Variants in NALCN observed in about 807,000 individuals in gnomAD.
The protein encoded by NALCN is sodium leak channel NALCN.
NALCN carries 111 observed loss-of-function variants against 225.3 expected under a neutral mutation model. The observed-to-expected ratio is 0.49, with a 90% CI of 0.42 to 0.58. The LOEUF (loss-of-function observed/expected upper bound fraction) is 0.58, where lower values mean the gene tolerates loss of function less well. Among genes scored for constraint, NALCN ranks in the 20% least tolerant of loss-of-function variants. The pLI is 0.00. For missense variants in NALCN, 1,378 were observed against 2,202.4 expected (o/e 0.63, Z 7.49); for synonymous variants, 764 against 769.0 (o/e 0.99, Z 0.11).
rs556135929 is a variant in NALCN, at chr13:101,065,294, T to C, written c.4604+110A>G. On this transcript the variant is annotated intron_variant, in intron 40 of 43. Transcript: ENST00000251127. ...GACCCCACTTCACGACCACAGCAGATGTGGCATTTTGGGTTGGAAACACAC... is the reference window on the plus strand; with the variant it reads ...GACCCCACTTCACGACCACAGCAGACGTGGCATTTTGGGTTGGAAACACAC... The C allele has an allele frequency of 5.2e-6, 6 of 1,152,530 alleles. No homozygotes were observed. In the Admixed American group the frequency reaches 1.2e-4, roughly 24 times the overall value. 71.4% of individuals were successfully genotyped at this position (1,152,530 alleles called of 1,614,324 possible).
At chr13:101,409,708 C>T (rs1404731956) in intron 1 of NALCN, among the ~76,000 whole-genome samples, 1 of 152,158 alleles carries the variant, frequency 6.6e-6, no homozygotes, top group Non-Finnish European at 1.5e-5. Flanking sequence ...TATATTTAAA[C>T]ATAACAGAAG....
chr13:101,311,207 T>A (rs1175791603), intron 7 of NALCN, among the ~76,000 whole-genome samples: 1 of 151,386 alleles, frequency 6.6e-6, no homozygotes, highest in African/African-American at 2.4e-5. Flanking sequence ...TGCACATTGA[T>A]TTTGTATCCT....
At chr13:101,122,671 G>A (rs879191171) in intron 18 of NALCN, among the ~76,000 whole-genome samples, 3 of 152,090 alleles carry the variant, frequency 2.0e-5, no homozygotes, top group Admixed American at 2.0e-4. Context: ...GAGACTCTTC[G>A]CCATCCAATC....
intron 15 of NALCN, among the ~76,000 whole-genome samples, chr13:101,150,741 A>G (rs938072434): frequency 6.9e-5 from 10 of 145,346 alleles, no homozygotes; most frequent in Admixed American, 2.8e-4. Flanking sequence ...TGAATAATAT[A>G]TATTATAAGA....
intron 1 of NALCN, among the ~76,000 whole-genome samples, chr13:101,400,573 GTGTGTGTGCA>G (rs1261796817): frequency 2.4e-5 from 3 of 125,916 alleles, no homozygotes; most frequent in African/African-American, 7.8e-5. Context: ...GTGTGTGTGT[GTGTGTGTGCA>G]CGTGTGTGCG....
At chr13:101,086,302 AATAT>A (rs2033928354) in intron 30 of NALCN, among the ~76,000 whole-genome samples, 1 of 151,956 alleles carries the variant, frequency 6.6e-6, no homozygotes, top group Non-Finnish European at 1.5e-5. Context: ...ATTCTTCTTT[AATAT>A]ATACACTTAA....
chr13:101,374,515 G>A (rs1402694069), intron 6 of NALCN, among the ~76,000 whole-genome samples: 1 of 152,004 alleles, frequency 6.6e-6, no homozygotes, highest in Non-Finnish European at 1.5e-5. Flanking sequence ...TGGAACTCCT[G>A]ACCTCAGGTT....
chr13:101,271,817 G>A (rs923878968), intron 10 of NALCN, among the ~76,000 whole-genome samples: 20 of 151,778 alleles, frequency 1.3e-4, no homozygotes, highest in Non-Finnish European at 2.4e-4. Flanking sequence ...GTGTGTCAGT[G>A]TGTCACCGTT....
intron 7 of NALCN, among the ~76,000 whole-genome samples, chr13:101,321,667 T>C (rs573823512): frequency 4.3e-4 from 65 of 152,250 alleles, no homozygotes; most frequent in African/African-American, 1.4e-3. Flanking sequence ...AATTGTAGAA[T>C]GACCAAATAA....
chr13:101,110,464 A>G (rs1420826128), intron 20 of NALCN, among the ~76,000 whole-genome samples, 155 bp downstream of exon 20: 2 of 152,244 alleles, frequency 1.3e-5, no homozygotes, highest in African/African-American at 2.4e-5. Context: ...ACTTGGCTAC[A>G]TAATTCATAT....
chr13:101,169,682 C>T (rs561321160), intron 15 of NALCN, among the ~76,000 whole-genome samples: 8 of 152,300 alleles, frequency 5.3e-5, no homozygotes, highest in Admixed American at 2.0e-4. Flanking sequence ...TGGCCTTTTT[C>T]AGCAAGGACA....
chr13:101,256,255 G>A (rs749183887), intron 11 of NALCN, among the ~76,000 whole-genome samples: 3 of 151,972 alleles, frequency 2.0e-5, no homozygotes, highest in Non-Finnish European at 4.4e-5. Flanking sequence ...CACTTTGGTG[G>A]TACCCGTCCT....
intron 35 of NALCN, among the ~76,000 whole-genome samples, chr13:101,075,395 CAGTG>C (rs1413991830): frequency 7.4e-6 from 1 of 135,108 alleles, no homozygotes; most frequent in Non-Finnish European, 1.5e-5. Flanking sequence ...GTGGAGAAAA[CAGTG>C]AGCCGAGATC....
chr13:101,373,690 G>A lies in NALCN; in HGVS notation c.644+3010C>T, dbSNP rs147148831. 2.7e-3 allele frequency among the ~76,000 whole-genome samples: 416 copies of A among 152,240 alleles called. 4 individuals carry two copies. Among genetic ancestry groups the A allele is most frequent in the Non-Finnish European group, 3.6e-3 (247 of 68,002 alleles). On this transcript the variant is annotated intron_variant, in intron 6 of 43. Coordinates refer to ENST00000251127, the MANE Select transcript of NALCN (RefSeq NM_052867.4). ...TACTGAGAGCTTCTCCTAAGATACC[G>A]ATGTCCATTCCAACCACTAAGTTAA...
Position 101,124,677 on chromosome 13 carries a change from C to T in NALCN, c.2123G>A (p.Arg708His), listed in dbSNP as rs756720709. 6.2e-6 allele frequency: 10 copies of T among 1,613,446 alleles called. No individual in the cohort carries two copies. In the South Asian group the frequency reaches 6.6e-5, roughly 11 times the overall value. Residue 708 changes from arginine to histidine, a missense_variant, in exon 18 of 44, where the codon CGC becomes CAC. Arg to His is a conservative substitution (Grantham distance 29). Coordinates refer to ENST00000251127, the MANE Select transcript of NALCN (RefSeq NM_052867.4). ...EDNKYIDQKL[R>H]KSVFSIRARN... ...TGCCCTGATGCTGAAAACAGACTTG[C>T]GAAGCTGAAAATGATAAGAGTATGA...
intron 6 of NALCN, among the ~76,000 whole-genome samples, chr13:101,367,682 T>C (rs1274721940): frequency 6.6e-6 from 1 of 152,174 alleles, no homozygotes; most frequent in Non-Finnish European, 1.5e-5. Flanking sequence ...GTTTATCTTA[T>C]TTTCTGTGTA....
chr13:101,250,023 T>C (rs1224542546), intron 11 of NALCN, among the ~76,000 whole-genome samples: 1 of 152,084 alleles, frequency 6.6e-6, no homozygotes, highest in East Asian at 1.9e-4. Context: ...CAACCAATTG[T>C]AGTAAAGTTG....
At chr13:101,164,137 C>T (rs561994278) in intron 15 of NALCN, among the ~76,000 whole-genome samples, 7 of 152,242 alleles carry the variant, frequency 4.6e-5, no homozygotes, top group Non-Finnish European at 8.8e-5. Flanking sequence ...GGGACTGAGG[C>T]GTAGGGCTTC....
intron 12 of NALCN, 150 bp downstream of exon 12, chr13:101,237,605 C>T: frequency 2.9e-6 from 1 of 347,308 alleles, no homozygotes. Context: ...TGTAAGATGT[C>T]ATTGTGCCTT....
Sources: allele counts gnomAD v4.1 joint callset (sites outside exome capture counted in the v4.1 genomes callset), GRCh38; gene constraint gnomAD v4.1.1; transcripts MANE v1.5; gene names NCBI Gene and HGNC (gene_info 2026-07-23, HGNC 2026-07-21).